The following GRAMD1B variants were observed in gnomAD, a reference collection of about 807,000 sequenced individuals.
GRAMD1B encodes the protein GRAM domain containing 1B.
A neutral mutation model predicts 99.7 loss-of-function variants in GRAMD1B; 37 were observed. That is an observed-to-expected ratio of 0.37 (90% confidence interval 0.29 to 0.49). The LOEUF is 0.49. Ranked by LOEUF, GRAMD1B falls within the 20% of genes least tolerant of loss-of-function variation. The pLI, the probability that GRAMD1B is intolerant of heterozygous loss-of-function variation, is 0.98. For synonymous variants in GRAMD1B, 427 were observed against 387.6 expected, an observed-to-expected ratio of 1.10 and a Z score of -1.19; for missense variants, 888 against 1,009.2, an observed-to-expected ratio of 0.88 and a Z score of 1.63.
At chr11:123,542,325 A>G (rs1368310774) in intron 2 of GRAMD1B, among the ~76,000 whole-genome samples, 3 of 152,204 alleles carry the variant, frequency 2.0e-5, no homozygotes, top group African/African-American at 4.8e-5. Context: ...AACTGAGAGC[A>G]CTCGCCAGTT....
rs7945117 is a variant in GRAMD1B, at chr11:123,510,230, C to T, written c.452+29337C>T. Among the ~76,000 whole-genome samples the T allele has an allele frequency of 0.05, 7,665 of 152,272 alleles. 246 individuals are homozygous for T. The highest frequency in any genetic ancestry group is 0.074 in the Non-Finnish European group (5,019 of 68,010). On this transcript the variant is annotated intron_variant, in intron 2 of 19. Transcript: ENST00000635736. The surrounding 1 kb of genome is among the most constrained non-coding windows in gnomAD (Gnocchi z 4.3). ...TGACCTTCTCCCTTCCTGCTCCCCC[C>T]GGCTCTTGCTCATTACCTGCCAGCT... is the stretch of plus-strand genomic sequence containing the variant.
chr11:123,512,425 A>G (rs926531500), intron 2 of GRAMD1B, among the ~76,000 whole-genome samples: 1 of 152,084 alleles, frequency 6.6e-6, no homozygotes, highest in African/African-American at 2.4e-5. Flanking sequence ...TTTAGTTTCT[A>G]TTTGCATATG....
intron 1 of GRAMD1B, among the ~76,000 whole-genome samples, chr11:123,417,162 C>G (rs896233733): frequency 4.5e-4 from 69 of 152,024 alleles, no homozygotes; most frequent in African/African-American, 1.6e-3. Flanking sequence ...ACCACGAGGT[C>G]GGGAGTTCAA....
chr11:123,597,876 A>T, intron 7 of GRAMD1B: 1 of 796,200 alleles, frequency 1.3e-6, no homozygotes, highest in Non-Finnish European at 2.3e-6. Context: ...TTTGGTTGGG[A>T]GAAATAGAAC....
At position 123,535,302 on chromosome 11, in the gene GRAMD1B, T is replaced by C. The variant is rs75662693; in HGVS notation, c.453-42065T>C. Reference sequence around the variant, plus strand: ...CTACAGGAAAGATGTTTTTTTTTTTTCCCCCATTTTATATGTTAGGAAACA... The same window carrying C: ...CTACAGGAAAGATGTTTTTTTTTTTCCCCCCATTTTATATGTTAGGAAACA... On this transcript the variant is annotated intron_variant, in intron 2 of 19. Coordinates refer to ENST00000635736, the MANE Select transcript of GRAMD1B (RefSeq NM_001387025.1). Among the ~76,000 whole-genome samples, 39 of 150,520 alleles carry C rather than the reference T, an allele frequency of 2.6e-4. No individual in the cohort carries two copies. In the East Asian group the frequency reaches 2.9e-3, roughly 11 times the overall value.
At position 123,589,614 on chromosome 11, in the gene GRAMD1B, T is replaced by TATATATATATATA. The variant is rs1555089174; in HGVS notation, c.685-4468_685-4467insATATATATATATA. On this transcript the variant is annotated intron_variant, in intron 4 of 19. Coordinates refer to ENST00000635736, the MANE Select transcript of GRAMD1B (RefSeq NM_001387025.1). ...ACCTGCCACCATGTGTGGCTAATTTTTATATATATATATATATATATATTT... is the reference window on the plus strand; with the variant it reads ...ACCTGCCACCATGTGTGGCTAATTTTATATATATATATATATATATATATATATATATATATTT... Among the ~76,000 whole-genome samples the TATATATATATATA allele has an allele frequency of 1.2e-3, 153 of 128,238 alleles. 1 individual carries two copies. The highest frequency in any genetic ancestry group is 3.8e-3 in the Middle Eastern group (1 of 266). The allele number at this position is 128,238 out of a possible 152,430, so 84.1% of individuals were successfully genotyped here.
chr11:123,625,560 G>C lies in GRAMD1B; in HGVS notation c.*2965G>C, dbSNP rs1955452190. On this transcript the variant is annotated 3_prime_UTR_variant, in exon 20 of 20. Coordinates refer to ENST00000635736, the MANE Select transcript of GRAMD1B (RefSeq NM_001387025.1). The stretch of plus-strand genomic sequence containing the variant: ...CTCAGGCCAGCAAGATCAGCTGCTT[G>C]AAGCTCTGTGTAAGAGCACTGCACT... 2 of 152,206 alleles carry C rather than the reference G, an allele frequency of 1.3e-5. No individual in the cohort carries two copies. The highest frequency in any genetic ancestry group is 6.5e-5 in the Admixed American group (1 of 15,282). The allele number at this position is 152,206 out of a possible 1,614,324, so 9.4% of individuals were successfully genotyped here.
At position 123,510,729 on chromosome 11, in the gene GRAMD1B, G is replaced by A. The variant is rs986021960; in HGVS notation, c.452+29836G>A. ...GGAAATGCTGCCGGCCGCACTGTGC[G>A]TAAGTGGCTTCGCTTGGCGAGTTCT... On this transcript the variant is annotated intron_variant, in intron 2 of 19. Coordinates refer to ENST00000635736, the MANE Select transcript of GRAMD1B (RefSeq NM_001387025.1). The surrounding 1 kb of genome is among the most constrained non-coding windows in gnomAD (Gnocchi z 4.3). Among the ~76,000 whole-genome samples, 4 of 152,178 alleles carry A rather than the reference G, an allele frequency of 2.6e-5. No homozygotes were observed. The highest frequency in any genetic ancestry group is 7.2e-5 in the African/African-American group (3 of 41,422).
chr11:123,407,364 G>A (rs577324796), intron 1 of GRAMD1B, among the ~76,000 whole-genome samples: 2 of 151,826 alleles, frequency 1.3e-5, no homozygotes, highest in Admixed American at 6.6e-5. Flanking sequence ...TGACATATCC[G>A]TCTGCTCTCA....
intron 1 of GRAMD1B, among the ~76,000 whole-genome samples, chr11:123,413,447 A>T (rs1356340156): frequency 6.6e-6 from 1 of 152,056 alleles, no homozygotes; most frequent in African/African-American, 2.4e-5. Context: ...AACATCAGGA[A>T]GTGTAATTAT....
chr11:123,373,930 A>T (rs184331144), intron 1 of GRAMD1B, among the ~76,000 whole-genome samples: 32 of 152,320 alleles, frequency 2.1e-4, no homozygotes, highest in Non-Finnish European at 4.3e-4. Flanking sequence ...TGCTTTCCCC[A>T]GGGAGAATCC....
intron 2 of GRAMD1B, among the ~76,000 whole-genome samples, chr11:123,543,881 A>T (rs1420821447): frequency 1.3e-5 from 2 of 152,222 alleles, no homozygotes; most frequent in African/African-American, 4.8e-5. Context: ...CTCTTGCCCT[A>T]TCACAACAGA....
intron 14 of GRAMD1B, among the ~76,000 whole-genome samples, chr11:123,611,036 G>T (rs1953467914): frequency 6.6e-6 from 1 of 152,204 alleles, no homozygotes; most frequent in African/African-American, 2.4e-5. Context: ...CTGTTTACCT[G>T]TACCTTAGAC....
intron 1 of GRAMD1B, among the ~76,000 whole-genome samples, chr11:123,373,649 A>T (rs144366063): frequency 6.6e-6 from 1 of 152,348 alleles, no homozygotes; most frequent in Non-Finnish European, 1.5e-5. Flanking sequence ...TATGTCTTAC[A>T]TACTTAGGTG....
At chr11:123,612,661 A>G (rs753722952) in intron 14 of GRAMD1B, 100 bp from the exon 15 acceptor site, 3 of 729,768 alleles carry the variant, frequency 4.1e-6, no homozygotes, top group Non-Finnish European at 7.5e-6. Context: ...GTTTAGTACA[A>G]ATGTGAAGCG....
In GRAMD1B at chr11:123,610,790, T is replaced by TTAGTGTTA. The variant is rs1953434368; in HGVS notation, c.1919+453_1919+460dup. On this transcript the variant is annotated intron_variant, in intron 14 of 19. Transcript: ENST00000635736. The surrounding 1 kb of genome is among the most constrained non-coding windows in gnomAD (Gnocchi z 4.1). Reference sequence around the variant, plus strand: ...GTCCACCATGCTGCGTGGATTGCCATTAGTGTTAGACAGTGAGCTCCACGA... The same window carrying TTAGTGTTA: ...GTCCACCATGCTGCGTGGATTGCCATTAGTGTTATAGTGTTAGACAGTGAGCTCCACGA... 2.0e-5 allele frequency among the ~76,000 whole-genome samples: 3 copies of TTAGTGTTA among 152,180 alleles called. No individual in the cohort carries two copies. The highest frequency in any genetic ancestry group is 7.2e-5 in the African/African-American group (3 of 41,432).
upstream of GRAMD1B, among the ~76,000 whole-genome samples, chr11:123,427,096 T>C (rs1948680297): frequency 1.3e-5 from 2 of 152,164 alleles, no homozygotes; most frequent in African/African-American, 4.8e-5. Context: ...CACAGAGAAC[T>C]GTGCGGTCGC....
At chr11:123,438,460 G>A (rs551988170) in intron 1 of GRAMD1B, among the ~76,000 whole-genome samples, 3 of 152,270 alleles carry the variant, frequency 2.0e-5, no homozygotes, top group East Asian at 3.9e-4. Context: ...ATGTGTGTGA[G>A]GTTGTGGGAA....
intron 1 of GRAMD1B, among the ~76,000 whole-genome samples, chr11:123,381,177 C>G (rs1946860707): frequency 6.6e-6 from 1 of 152,140 alleles, no homozygotes. Context: ...TTGGGTCTGT[C>G]TCTATAAGAT....
Sources: allele counts gnomAD v4.1 joint callset (sites outside exome capture counted in the v4.1 genomes callset), GRCh38; gene constraint gnomAD v4.1.1; non-coding constraint Gnocchi (gnomAD v3.1); transcripts MANE v1.5; gene names NCBI Gene and HGNC (gene_info 2026-07-23, HGNC 2026-07-21).